Variants in SHANK2 observed in about 807,000 individuals in gnomAD.
SHANK2 encodes SH3 and multiple ankyrin repeat domains protein 2.
SHANK2 carries 43 observed loss-of-function variants against 133.7 expected under a neutral mutation model. The ratio of observed to expected loss-of-function variants is 0.32; its 90% confidence interval spans 0.25 to 0.41. SHANK2 has a LOEUF of 0.41. Among genes scored for constraint, SHANK2 ranks in the 10% least tolerant of loss-of-function variants. The pLI, the probability that SHANK2 is intolerant of heterozygous loss-of-function variation, is 1.00. For synonymous variants in SHANK2, 1,017 were observed against 952.8 expected (o/e 1.07, Z -1.24); for missense variants, 1,994 against 2,235.8 (o/e 0.89, Z 2.18).
At chr11:71,100,187 A>G (rs1437368129) in intron 6 of SHANK2, among the ~76,000 whole-genome samples, 4 of 152,200 alleles carry the variant, frequency 2.6e-5, no homozygotes, top group African/African-American at 9.6e-5. Context: ...TGGCGCAGTC[A>G]CTTTGGAAGA....
At position 71,149,273 on chromosome 11, in the gene SHANK2, T is replaced by C. The variant is rs115801749; in HGVS notation, c.-12-1935A>G. On this transcript the variant is annotated intron_variant, in intron 2 of 25. Transcript: ENST00000601538. ...TGTGCCTCAAAGCAAGACGTAAATT[T>C]CAGAAGTTCATCACTAGAGACAGCT... Among the ~76,000 whole-genome samples, 1,268 of 152,204 alleles carry C rather than the reference T, an allele frequency of 8.3e-3. 21 individuals are homozygous for C. The highest frequency in any genetic ancestry group is 0.029 in the African/African-American group (1,223 of 41,520).
chr11:71,087,106 CGGGACCAAGGTGGCCGGGTGGCTCT>C (rs1951430015), intron 8 of SHANK2, among the ~76,000 whole-genome samples: 4 of 152,178 alleles, frequency 2.6e-5, no homozygotes, highest in Admixed American at 2.0e-4. Context: ...GCTCAGGCCC[CGGGACCAAGGTGGCCGGGTGGCTCT>C]GGGACAGCCA....
intron 14 of SHANK2, among the ~76,000 whole-genome samples, chr11:70,723,325 C>T (rs921878247): frequency 6.6e-6 from 1 of 152,032 alleles, no homozygotes; most frequent in Non-Finnish European, 1.5e-5. Flanking sequence ...CTCTCTCTCT[C>T]TCTCGCTGGC....
intron 25 of SHANK2, among the ~76,000 whole-genome samples, chr11:70,482,868 A>G (rs537826528): frequency 2.1e-4 from 32 of 152,346 alleles, no homozygotes; most frequent in Middle Eastern, 3.4e-3. Flanking sequence ...TGCAGGGCAG[A>G]GAAACCCTAG....
chr11:71,092,677 C>A (rs1555094352), intron 7 of SHANK2, 88 bp from the exon 8 acceptor site: 1 of 1,374,398 alleles, frequency 7.3e-7, no homozygotes, highest in Admixed American at 2.1e-5. Context: ...ACCAGGACCA[C>A]CCTCCCCCAG....
At chr11:70,908,004 G>C (rs1555078294) in intron 10 of SHANK2, 1 of 430,136 alleles carries the variant, frequency 2.3e-6, no homozygotes, top group Non-Finnish European at 4.8e-6. Flanking sequence ...GGGAGGCTGA[G>C]GCAGGAGAAT....
chr11:70,608,408 C>A (rs1351958829), intron 17 of SHANK2, among the ~76,000 whole-genome samples: 1 of 152,216 alleles, frequency 6.6e-6, no homozygotes, highest in Non-Finnish European at 1.5e-5. Context: ...GGAACTTTTT[C>A]TCTCGAACAC....
rs1212217694 is a variant in SHANK2, at chr11:71,113,348, C to T, written c.428G>A (p.Arg143Gln). 33 of 1,551,524 alleles carry T rather than the reference C, an allele frequency of 2.1e-5. No homozygotes were observed. The highest frequency in any genetic ancestry group is 1.7e-4 in the Middle Eastern group (1 of 6,014). Residue 143 changes from arginine to glutamine, a missense_variant, in exon 5 of 26, where the codon CGG becomes CAG. This residue lies in a region of SHANK2 where 653 missense variants were observed against 563.4 expected (regional missense o/e 1.16). Transcript: ENST00000601538. The stretch of plus-strand genomic sequence containing the variant: ...ATCGAGACTGGCTTGTTTATACACC[C>T]GCTTCTTGTATCGAAACTGGCACAG... Reference protein sequence around the residue: ...VPSLEFRYKKRVYKQASLDEK... With the variant: ...VPSLEFRYKKQVYKQASLDEK...
chr11:70,680,562 C>T (rs771510494), intron 15 of SHANK2, among the ~76,000 whole-genome samples: 1 of 152,202 alleles, frequency 6.6e-6, no homozygotes, highest in Non-Finnish European at 1.5e-5. Context: ...ACAGGGCCCA[C>T]CTGCATTCGC....
intron 14 of SHANK2, among the ~76,000 whole-genome samples, chr11:70,744,026 G>A (rs1027448243): frequency 1.6e-4 from 24 of 152,250 alleles, no homozygotes; most frequent in African/African-American, 5.5e-4. Flanking sequence ...CCTTCCCTCC[G>A]GATCTAACTC....
chr11:70,495,203 G>T (rs2058951637), intron 21 of SHANK2, among the ~76,000 whole-genome samples: 1 of 152,174 alleles, frequency 6.6e-6, no homozygotes, highest in African/African-American at 2.4e-5. Context: ...CTTTGCTGGG[G>T]TCCCTGTCAA....
intron 11 of SHANK2, among the ~76,000 whole-genome samples, chr11:70,844,073 G>A (rs1321717915): frequency 6.6e-6 from 1 of 152,116 alleles, no homozygotes; most frequent in Non-Finnish European, 1.5e-5. Context: ...GGTGGTGGGA[G>A]CTCCCTGGGG....
intron 6 of SHANK2, among the ~76,000 whole-genome samples, chr11:71,103,178 G>T (rs780988824): frequency 6.6e-6 from 1 of 152,180 alleles, no homozygotes; most frequent in Non-Finnish European, 1.5e-5. Context: ...CAGCCCTAGC[G>T]GCCACCCAGT....
chr11:70,513,147 T>A (rs2059223792), intron 17 of SHANK2, among the ~76,000 whole-genome samples: 1 of 151,378 alleles, frequency 6.6e-6, no homozygotes, highest in Non-Finnish European at 1.5e-5. Flanking sequence ...ATGGTATGAG[T>A]CACCTGCAGT....
chr11:70,514,166 C>T (rs2059238358), intron 17 of SHANK2, among the ~76,000 whole-genome samples: 1 of 152,256 alleles, frequency 6.6e-6, no homozygotes, highest in Non-Finnish European at 1.5e-5. Context: ...ATAAAAATGA[C>T]TGAATGATTG....
chr11:71,111,357 C>G (rs1189462994), intron 5 of SHANK2, among the ~76,000 whole-genome samples: 1 of 152,178 alleles, frequency 6.6e-6, no homozygotes, highest in Non-Finnish European at 1.5e-5. Flanking sequence ...GCCTGGTCCC[C>G]GAGTGGCTCA....
intron 15 of SHANK2, among the ~76,000 whole-genome samples, chr11:70,680,307 C>T (rs182066312): frequency 3.5e-4 from 53 of 152,334 alleles, no homozygotes; most frequent in African/African-American, 1.1e-3. Flanking sequence ...GGCAGCTAGA[C>T]ACATTTAGCC....
chr11:70,943,486 C>T (rs1305106708), intron 10 of SHANK2, among the ~76,000 whole-genome samples: 1 of 152,102 alleles, frequency 6.6e-6, no homozygotes. Context: ...AGGAGCTTTT[C>T]CCATGCAAAC....
intron 14 of SHANK2, among the ~76,000 whole-genome samples, chr11:70,752,578 C>T (rs911829742): frequency 1.5e-4 from 22 of 151,630 alleles, no homozygotes; most frequent in East Asian, 1.4e-3. Flanking sequence ...AAGTGGCGGG[C>T]GCCTGTAGTC....
Sources: gnomAD v4.1 joint callset for allele counts (sites outside exome capture counted in the v4.1 genomes callset) on GRCh38, gnomAD v4.1.1 for gene constraint, gnomAD v4.1.1 regional missense constraint, MANE v1.5 for transcripts, NCBI Gene and HGNC (gene_info 2026-07-23, HGNC 2026-07-21) for gene names.